Variants in NR3C2 observed in about 807,000 individuals in gnomAD.
NR3C2 encodes the protein nuclear receptor subfamily 3 group C member 2.
A neutral mutation model predicts 86.4 loss-of-function variants in NR3C2; 15 were observed. The ratio of observed to expected loss-of-function variants is 0.17; its 90% CI spans 0.12 to 0.27. NR3C2 has a LOEUF of 0.27. Ranked by LOEUF, NR3C2 falls within the 10% of genes least tolerant of loss-of-function variation. The pLI is 1.00. For missense variants in NR3C2, 960 were observed against 1,195.6 expected (o/e 0.80, Z 2.91); for synonymous variants, 458 against 450.5 (o/e 1.02, Z -0.21).
chr4:148,352,310 A>AT (rs1415349340), intron 2 of NR3C2, among the ~76,000 whole-genome samples: 1 of 152,106 alleles, frequency 6.6e-6, no homozygotes, highest in African/African-American at 2.4e-5. Flanking sequence ...GTCACTCAGT[A>AT]TTTGCCTTCT....
intron 6 of NR3C2, among the ~76,000 whole-genome samples, chr4:148,126,044 G>A (rs148617333): frequency 9.2e-5 from 14 of 152,320 alleles, no homozygotes; most frequent in African/African-American, 2.4e-4. Context: ...CATACTGTGC[G>A]GCTTGAAAAA....
chr4:148,392,072 C>T (rs1162679223), intron 2 of NR3C2, among the ~76,000 whole-genome samples: 1 of 151,978 alleles, frequency 6.6e-6, no homozygotes, highest in East Asian at 1.9e-4. Context: ...AAGCACCACA[C>T]CTGAAATCTG....
At chr4:148,232,259 A>G (rs1738505174) in intron 3 of NR3C2, among the ~76,000 whole-genome samples, 1 of 152,206 alleles carries the variant, frequency 6.6e-6, no homozygotes, top group Non-Finnish European at 1.5e-5. Flanking sequence ...TATAAAATGT[A>G]TTTCTTAAAT....
chr4:148,260,998 C>A (rs1401051228), intron 2 of NR3C2, among the ~76,000 whole-genome samples: 2 of 152,188 alleles, frequency 1.3e-5, no homozygotes, highest in South Asian at 2.1e-4. Context: ...GTTGATTTTT[C>A]AATTTGCAGT....
intron 2 of NR3C2, among the ~76,000 whole-genome samples, chr4:148,338,791 T>C (rs1744612915): frequency 6.6e-6 from 1 of 152,246 alleles, no homozygotes; most frequent in Non-Finnish European, 1.5e-5. Context: ...ATAACAGAAA[T>C]AACTTGGTTC....
chr4:148,345,448 C>T (rs1744943507), intron 2 of NR3C2, among the ~76,000 whole-genome samples: 1 of 151,806 alleles, frequency 6.6e-6, no homozygotes. Flanking sequence ...CATCTATTAA[C>T]CAAACTCAAC....
rs67285458 is a variant in NR3C2, at chr4:148,356,899, C to CTGTGTGTGTG, written c.1757+78195_1757+78204dup. ...GAACAAAAGCACACACTAAGCACGA[C>CTGTGTGTGTG]TGTGTGTGTGTGTGTGTGTGTGTGT... On this transcript the variant is annotated intron_variant, in intron 2 of 8. Transcript: ENST00000358102. 4.3e-3 allele frequency among the ~76,000 whole-genome samples: 645 copies of CTGTGTGTGTG among 149,064 alleles called. 3 individuals are homozygous for CTGTGTGTGTG. The highest frequency in any genetic ancestry group is 8.6e-3 in the African/African-American group (346 of 40,420).
chr4:148,182,543 A>C (rs1465771954), intron 4 of NR3C2, among the ~76,000 whole-genome samples: 4 of 152,236 alleles, frequency 2.6e-5, no homozygotes, highest in Non-Finnish European at 4.4e-5. Flanking sequence ...TTTTTTCAGC[A>C]AGATTTTTTA....
chr4:148,174,032 C>T (rs961614045), intron 4 of NR3C2, among the ~76,000 whole-genome samples: 5 of 152,114 alleles, frequency 3.3e-5, no homozygotes, highest in African/African-American at 1.2e-4. Context: ...GTGTTCACTG[C>T]TTTATGTTCA....
chr4:148,213,816 TAC>T (rs1258520623), intron 3 of NR3C2, among the ~76,000 whole-genome samples: 13 of 152,360 alleles, frequency 8.5e-5, no homozygotes, highest in Admixed American at 8.5e-4. Flanking sequence ...GCCACGAAAC[TAC>T]AGTCACTGTA....
intron 3 of NR3C2, among the ~76,000 whole-genome samples, chr4:148,244,303 A>G (rs143683407): frequency 1.1e-3 from 167 of 152,308 alleles, no homozygotes; most frequent in African/African-American, 3.6e-3. Flanking sequence ...AAACTGCTGA[A>G]AGTTTAAAAA....
chr4:148,441,717 G>C (rs6814934), intron 1 of NR3C2, among the ~76,000 whole-genome samples: 65,020 of 152,070 alleles, frequency 0.43, 16,212 homozygotes, highest in East Asian at 0.76. Context: ...AATTTCCAGA[G>C]CCCCTTTTAT....
At chr4:148,442,514 C>A, upstream of NR3C2, 1 of 364,332 alleles carries the variant, frequency 2.7e-6, no homozygotes, top group Non-Finnish European at 3.8e-6. Flanking sequence ...GGAGGGCTGG[C>A]CCTTTTAAAA....
chr4:148,135,423 G>A (rs1220957299), intron 6 of NR3C2, among the ~76,000 whole-genome samples: 1 of 152,108 alleles, frequency 6.6e-6, no homozygotes, highest in Admixed American at 6.6e-5. Flanking sequence ...CAGCAACAAG[G>A]TGCCATCTTG....
intron 2 of NR3C2, among the ~76,000 whole-genome samples, chr4:148,336,324 C>T (rs1415809980): frequency 6.6e-6 from 1 of 152,150 alleles, no homozygotes; most frequent in African/African-American, 2.4e-5. Flanking sequence ...GGCAGAGCCC[C>T]GAGCTCCAGA....
chr4:148,157,834 A>C (rs1734473088), intron 4 of NR3C2, among the ~76,000 whole-genome samples: 1 of 152,244 alleles, frequency 6.6e-6, no homozygotes, highest in South Asian at 2.1e-4. Flanking sequence ...AAATAAGAGT[A>C]ATTTGTGTTT....
At chr4:148,114,048 A>T in intron 8 of NR3C2, 56 bp downstream of exon 8, 1 of 1,599,146 alleles carries the variant, frequency 6.3e-7, no homozygotes, top group Non-Finnish European at 8.5e-7. Context: ...TTTGGTCAGC[A>T]GTGTGTATGT....
intron 2 of NR3C2, among the ~76,000 whole-genome samples, chr4:148,289,081 A>G (rs1741672894): frequency 6.6e-6 from 1 of 152,182 alleles, no homozygotes; most frequent in Non-Finnish European, 1.5e-5. Context: ...TTTGTCAGCT[A>G]TTAAAAGGCG....
intron 2 of NR3C2, among the ~76,000 whole-genome samples, chr4:148,370,684 A>G (rs1053033266): frequency 9.2e-5 from 14 of 152,166 alleles, no homozygotes; most frequent in Admixed American, 8.5e-4. Context: ...AAATATAGAT[A>G]TCTGGAAAAA....
Sources: allele counts gnomAD v4.1 joint callset (sites outside exome capture counted in the v4.1 genomes callset), GRCh38; gene constraint gnomAD v4.1.1; transcripts MANE v1.5; gene names NCBI Gene and HGNC (gene_info 2026-07-23, HGNC 2026-07-21).